MAF: variants seen among roughly 807,000 people sequenced by gnomAD.
The protein encoded by MAF is MAF bZIP transcription factor.
In MAF, 10 loss-of-function variants were observed where a neutral mutation model predicts 22.0. The ratio of observed to expected loss-of-function variants is 0.45; its 90% CI spans 0.28 to 0.77. The LOEUF is 0.77. MAF is among the 30% of genes least tolerant of loss of function. The pLI, the probability that MAF is intolerant of heterozygous loss-of-function variation, is 0.12. For synonymous variants in MAF, 337 were observed against 255.8 expected, an observed-to-expected ratio of 1.32 and a Z score of -3.03; for missense variants, 544 against 548.4, an observed-to-expected ratio of 0.99 and a Z score of 0.08.
the MAF span, among the ~76,000 whole-genome samples, chr16:79,444,949 GTA>G: frequency 2.0e-5 from 3 of 151,578 alleles, no homozygotes; most frequent in Non-Finnish European, 4.4e-5. Flanking sequence ...CCTGCTACGT[GTA>G]TGTGAGAGTG....
the MAF span, among the ~76,000 whole-genome samples, chr16:79,535,401 C>A: frequency 1.3e-5 from 2 of 150,766 alleles, no homozygotes; most frequent in Non-Finnish European, 2.9e-5. Context: ...ACACTTGCCA[C>A]TTCTGCTTGT....
At chr16:79,511,996 G>C in the MAF span, among the ~76,000 whole-genome samples, 1 of 152,180 alleles carries the variant, frequency 6.6e-6, no homozygotes, top group Non-Finnish European at 1.5e-5. Context: ...GAGTTGAGAA[G>C]TGATCTCTCT....
At chr16:79,584,484 T>A (rs1912720582), downstream of MAF, among the ~76,000 whole-genome samples, 1 of 152,226 alleles carries the variant, frequency 6.6e-6, no homozygotes, top group African/African-American at 2.4e-5. Flanking sequence ...GAAATTTGAT[T>A]TCTTTCCCAC....
the MAF span, among the ~76,000 whole-genome samples, chr16:79,360,856 A>C: frequency 6.6e-6 from 1 of 152,134 alleles, no homozygotes; most frequent in African/African-American, 2.4e-5. Flanking sequence ...CCTACCCTTT[A>C]ACTGGAGTTG....
chr16:79,334,546 T>C, the MAF span, among the ~76,000 whole-genome samples: 4 of 152,106 alleles, frequency 2.6e-5, no homozygotes, highest in Non-Finnish European at 5.9e-5. Context: ...ATCTTAGGAT[T>C]GTATGATTAA....
At chr16:79,514,343 G>A in the MAF span, among the ~76,000 whole-genome samples, 2 of 152,166 alleles carry the variant, frequency 1.3e-5, no homozygotes, top group African/African-American at 4.8e-5. Flanking sequence ...TTGTTTTGGT[G>A]GGGGAGTGGT....
At position 79,599,907 on chromosome 16, in the gene MAF, C is replaced by T; in HGVS notation, c.-5G>A. 1 of 1,514,740 alleles carries T rather than the reference C, an allele frequency of 6.6e-7. No homozygotes were observed. The highest frequency in any genetic ancestry group is 2.5e-5 in the East Asian group (1 of 40,704). 93.8% of individuals were successfully genotyped at this position (1,514,740 alleles called of 1,614,324 possible). A position where few individuals can be genotyped will look rare whatever the true frequency, so the allele number is the denominator to read the frequency against. On this transcript the variant is annotated 5_prime_UTR_variant, in exon 1 of 2. Coordinates refer to ENST00000326043, the MANE Select transcript of MAF (RefSeq NM_005360.5). The stretch of plus-strand genomic sequence containing the variant: ...CATTGCCAGTTCTGATGCCATTCTC[C>T]TGCCGCCGCCGCCGCCGCCGCCGCC...
At chr16:79,391,657 C>T in the MAF span, among the ~76,000 whole-genome samples, 6 of 152,054 alleles carry the variant, frequency 3.9e-5, no homozygotes, top group African/African-American at 1.5e-4. Context: ...GCTTCCCACG[C>T]TGAAACGTAG....
chr16:79,436,387 T>C, the MAF span, among the ~76,000 whole-genome samples: 5 of 152,318 alleles, frequency 3.3e-5, no homozygotes, highest in African/African-American at 1.2e-4. Flanking sequence ...CTGGCTGAGA[T>C]TAATTTATTT....
the MAF span, among the ~76,000 whole-genome samples, chr16:79,513,906 A>C: frequency 6.6e-6 from 1 of 152,222 alleles, no homozygotes; most frequent in East Asian, 1.9e-4. Context: ...GGCACTGAAT[A>C]TCTCCGATGC....
chr16:79,327,855 A>G, the MAF span, among the ~76,000 whole-genome samples: 1 of 152,228 alleles, frequency 6.6e-6, no homozygotes, highest in Admixed American at 6.5e-5. Context: ...AATAACATTC[A>G]TTCCTATGTA....
At chr16:79,579,000 A>G in the MAF span, among the ~76,000 whole-genome samples, 1 of 152,166 alleles carries the variant, frequency 6.6e-6, no homozygotes, top group Non-Finnish European at 1.5e-5. Flanking sequence ...ACATGGCTTT[A>G]TATTTTACCT....
At chr16:79,293,393 G>C in the MAF span, among the ~76,000 whole-genome samples, 1 of 152,210 alleles carries the variant, frequency 6.6e-6, no homozygotes, top group Non-Finnish European at 1.5e-5. Context: ...TGGAAACAGA[G>C]AAGAGAAAAT....
the MAF span, among the ~76,000 whole-genome samples, chr16:79,348,054 G>C: frequency 0.01 from 1,575 of 152,222 alleles, 32 homozygotes; most frequent in African/African-American, 0.036. Flanking sequence ...TCCCTACTCA[G>C]CGTCAACATT....
At chr16:79,450,008 T>C in the MAF span, among the ~76,000 whole-genome samples, 2 of 152,230 alleles carry the variant, frequency 1.3e-5, no homozygotes, top group African/African-American at 2.4e-5. Context: ...CTAAAACAAT[T>C]GCTGCTCTTT....
chr16:79,239,557 T>G, the MAF span, among the ~76,000 whole-genome samples: 39 of 152,036 alleles, frequency 2.6e-4, no homozygotes, highest in Non-Finnish European at 5.6e-4. Flanking sequence ...ATGGCCAGAT[T>G]AACCATCACC....
At chr16:79,549,895 G>T in the MAF span, among the ~76,000 whole-genome samples, 1 of 152,144 alleles carries the variant, frequency 6.6e-6, no homozygotes, top group Non-Finnish European at 1.5e-5. Context: ...GCCTAAAAAT[G>T]ACTGGAAAGC....
chr16:79,376,503 A>T, the MAF span, among the ~76,000 whole-genome samples: 230 of 152,150 alleles, frequency 1.5e-3, 4 homozygotes, highest in African/African-American at 5.2e-3. Flanking sequence ...TTTAGTTGAG[A>T]ATACATTATT....
At chr16:79,230,374 G>A in the MAF span, among the ~76,000 whole-genome samples, 2 of 152,150 alleles carry the variant, frequency 1.3e-5, no homozygotes, top group East Asian at 1.9e-4. Flanking sequence ...AAGTACTGAG[G>A]CTCGGAGAGT....
Sources: gnomAD v4.1 joint callset for allele counts (sites outside exome capture counted in the v4.1 genomes callset) on GRCh38, gnomAD v4.1.1 for gene constraint, MANE v1.5 for transcripts, NCBI Gene and HGNC (gene_info 2026-07-23, HGNC 2026-07-21) for gene names.